Variants in FGFR1 observed in about 807,000 individuals in gnomAD.
The protein encoded by FGFR1 is fibroblast growth factor receptor 1.
In FGFR1, 18 loss-of-function variants were observed where a neutral mutation model predicts 93.7. The observed-to-expected ratio is 0.19, with a 90% CI of 0.13 to 0.28. FGFR1 has a LOEUF of 0.28. Among genes scored for constraint, FGFR1 ranks in the 10% least tolerant of loss-of-function variants. FGFR1 has a pLI of 1.00. For synonymous variants in FGFR1, 448 were observed against 429.3 expected (o/e 1.04, Z -0.54); for missense variants, 731 against 1,080.4 (o/e 0.68, Z 4.53).
At chr8:38,430,065 G>C (rs1822421866) in intron 2 of FGFR1, 117 bp from the exon 3 acceptor site, 6 of 1,054,570 alleles carry the variant, frequency 5.7e-6, no homozygotes, top group Non-Finnish European at 8.1e-6. Flanking sequence ...GCACCATCCT[G>C]GGCATCACTT....
At chr8:38,418,190 G>C (rs2150667456) in intron 10 of FGFR1, 38 bp downstream of exon 10, 20 of 1,614,088 alleles carry the variant, frequency 1.2e-5, no homozygotes, top group Non-Finnish European at 1.7e-5. Flanking sequence ...AGCAAGCAAG[G>C]AATGCCTTCA....
intron 2 of FGFR1, among the ~76,000 whole-genome samples, chr8:38,445,708 T>A (rs367914024): frequency 1.1e-4 from 17 of 151,858 alleles, no homozygotes; most frequent in African/African-American, 3.6e-4. Context: ...CCGGTTATTT[T>A]TTTTTTTTTT....
chr8:38,420,632 G>A (rs1818375101), intron 8 of FGFR1, among the ~76,000 whole-genome samples: 1 of 152,088 alleles, frequency 6.6e-6, no homozygotes, highest in Admixed American at 6.6e-5. Context: ...TTTCATCCCA[G>A]CACGCACAGC....
chr8:38,434,525 A>C (rs1394304691), intron 2 of FGFR1: 1 of 334,570 alleles, frequency 3.0e-6, no homozygotes, highest in Non-Finnish European at 5.8e-6. Flanking sequence ...ATGTCTCTGA[A>C]CCTTCACCAC....
intron 7 of FGFR1, 112 bp from the exon 8 acceptor site, chr8:38,422,053 C>A: frequency 8.0e-7 from 1 of 1,247,488 alleles, no homozygotes; most frequent in East Asian, 2.5e-5. Context: ...GAAATGCTCC[C>A]TGACATCTTC....
Position 38,426,511 on chromosome 8 carries a change from G to A in FGFR1, c.622-266C>T, listed in dbSNP as rs887511440. ...CGTGATCCGGACAGATGTGCCTTCT[G>A]CAAACACTCCCAAATACACCAAGAA... is the stretch of plus-strand genomic sequence containing the variant. On this transcript the variant is annotated intron_variant, in intron 5 of 17. Transcript: ENST00000447712. This position sits in a 1 kb window ranked among gnomAD's most constrained non-coding sequence, Gnocchi z 4.1. 1.3e-4 allele frequency among the ~76,000 whole-genome samples: 20 copies of A among 152,310 alleles called. No homozygotes were observed. Among genetic ancestry groups the A allele is most frequent in the African/African-American group, 4.1e-4 (17 of 41,574 alleles).
At position 38,417,878 on chromosome 8, in the gene FGFR1, A is replaced by G. The variant is rs746392282; in HGVS notation, c.1544T>C (p.Met515Thr). 1 of 1,614,164 alleles carries G rather than the reference A, an allele frequency of 6.2e-7. No homozygotes were observed. Among genetic ancestry groups the G allele is most frequent in the Non-Finnish European group, 8.5e-7 (1 of 1,180,018 alleles). Reference protein sequence around the residue: ...PNRVTKVAVKMLKSDATEKDL... With the variant: ...PNRVTKVAVKTLKSDATEKDL... Reference sequence around the variant, plus strand: ...ACAGAAGCATCACTTACACTTCAACATCTTCACAGCCACTTTGGTCACACG... The same window carrying G: ...ACAGAAGCATCACTTACACTTCAACGTCTTCACAGCCACTTTGGTCACACG... The change falls in exon 11 of 18, where the codon ATG becomes ACG. Residue 515 changes from methionine (M) to threonine (T), a missense_variant. By Grantham distance (81) the Met-to-Thr change is moderately conservative (BLOSUM62 -1). This residue lies in a region of FGFR1 where 62 missense variants were observed against 99.5 expected (regional missense o/e 0.62). Coordinates refer to ENST00000447712, the MANE Select transcript of FGFR1 (RefSeq NM_023110.3).
chr8:38,436,331 T>C (rs1586490923), intron 2 of FGFR1, among the ~76,000 whole-genome samples: 2 of 152,012 alleles, frequency 1.3e-5, no homozygotes, highest in African/African-American at 4.8e-5. Flanking sequence ...GCTATAATCT[T>C]GCCACTGCAC....
intron 12 of FGFR1, among the ~76,000 whole-genome samples, chr8:38,416,338 G>T (rs959490298): frequency 9.2e-5 from 14 of 152,104 alleles, no homozygotes; most frequent in Admixed American, 9.2e-4. Flanking sequence ...AGGCTGGAGT[G>T]CAGTGGCGCA....
Position 38,428,428 on chromosome 8 carries a change from G to A in FGFR1, c.366C>T (p.Leu122=), listed in dbSNP as rs2150933044. 5.0e-6 allele frequency: 8 copies of A among 1,612,436 alleles called. No homozygotes were observed. The highest frequency in any genetic ancestry group is 1.3e-5 in the African/African-American group (1 of 75,024). ...TYFSVNVSDA[L]PSSEDDDDDD... ...CATCATCATCATCCTCCGAGGAGGG[G>A]AGAGCATCTATGGGAAGAAGAAGGG... The change falls in exon 4 of 18, where the codon CTC becomes CTT. Residue 122 remains leucine (L), a synonymous_variant. Coordinates refer to ENST00000447712, the MANE Select transcript of FGFR1 (RefSeq NM_023110.3).
intron 2 of FGFR1, among the ~76,000 whole-genome samples, chr8:38,436,251 TG>T (rs892042334): frequency 1.3e-5 from 2 of 152,066 alleles, no homozygotes; most frequent in African/African-American, 4.8e-5. Flanking sequence ...GGTGCATGCC[TG>T]TAGTCCCCAG....
intron 8 of FGFR1, 49 bp downstream of exon 8, chr8:38,421,747 CG>C (rs1818884603): frequency 6.2e-7 from 1 of 1,602,450 alleles, no homozygotes; most frequent in African/African-American, 1.3e-5. Flanking sequence ...ATGCTCCCCC[CG>C]TGCCCGTGGC....
Position 38,411,307 on chromosome 8 carries a change from C to T in FGFR1, c.*2321G>A. 4.7e-6 allele frequency: 1 copy of T among 212,632 alleles called. No individual in the cohort carries two copies. Among genetic ancestry groups the T allele is most frequent in the Non-Finnish European group, 9.5e-6 (1 of 105,026 alleles). The allele number at this position is 212,632 out of a possible 1,614,324, so 13.2% of individuals were successfully genotyped here. ...AAGACTTTTAGATTCTTCATCCCTT[C>T]ACACAACATTGCTTCAAGGTAGGGC... On this transcript the variant is annotated 3_prime_UTR_variant, in exon 18 of 18. Transcript: ENST00000447712.
chr8:38,446,911 C>T (rs539885693), intron 2 of FGFR1, among the ~76,000 whole-genome samples: 3 of 152,228 alleles, frequency 2.0e-5, no homozygotes, highest in East Asian at 1.9e-4. Context: ...ACTCAGGTGT[C>T]GGATCTGACA....
chr8:38,448,088 G>A (rs927382454), intron 2 of FGFR1, among the ~76,000 whole-genome samples: 4 of 152,042 alleles, frequency 2.6e-5, no homozygotes, highest in East Asian at 3.8e-4. Flanking sequence ...ACAAAACATC[G>A]TATACAGTAT....
In FGFR1 at chr8:38,461,031, C is replaced by T. The variant is rs924644347; in HGVS notation, c.-88-3497G>A. 41 of 1,529,796 alleles carry T rather than the reference C, an allele frequency of 2.7e-5. No individual in the cohort carries two copies. In the East Asian group the frequency reaches 4.2e-4, roughly 16 times the overall value. The allele number at this position is 1,529,796 out of a possible 1,614,324, so 94.8% of individuals were successfully genotyped here. On this transcript the variant is annotated intron_variant, in intron 1 of 17. Coordinates refer to ENST00000447712, the MANE Select transcript of FGFR1 (RefSeq NM_023110.3). ...ATTCATGCCTGCATGCAGAGGTCCTCGGTGGGGAGCAGAGAGGGGGCACAT... is the reference window on the plus strand; with the variant it reads ...ATTCATGCCTGCATGCAGAGGTCCTTGGTGGGGAGCAGAGAGGGGGCACAT...
chr8:38,440,804 G>A (rs912443739), intron 2 of FGFR1, among the ~76,000 whole-genome samples: 5 of 152,064 alleles, frequency 3.3e-5, no homozygotes, highest in Non-Finnish European at 7.4e-5. Flanking sequence ...CCCCCCGTGC[G>A]TTGCCATGGG....
chr8:38,417,931 A>C lies in FGFR1; in HGVS notation c.1491T>G (p.Ala497=). 6.2e-7 allele frequency: 1 copy of C among 1,614,218 alleles called. No individual in the cohort carries two copies. Among genetic ancestry groups the C allele is most frequent in the South Asian group, 1.1e-5 (1 of 91,082 alleles). The change falls in exon 11 of 18, where the codon GCT becomes GCG. Residue 497 remains alanine (A), a synonymous_variant. Transcript: ENST00000447712. ...TGGGTTTGTCCTTGTCCAGCCCGAT[A>C]GCCTCTGCCAACACCACCTGCCCAA... ...GCFGQVVLAE[A]IGLDKDKPNR...
In FGFR1 at chr8:38,459,146, T is replaced by C. The variant is rs115879550; in HGVS notation, c.-88-1612A>G. ...GTTAACATTTACCAAGTGACAAGAC[T>C]TTCTGGGCACTGTCAAGGCTACGTG... On this transcript the variant is annotated intron_variant, in intron 1 of 17. Coordinates refer to ENST00000447712, the MANE Select transcript of FGFR1 (RefSeq NM_023110.3). 3.9e-3 allele frequency among the ~76,000 whole-genome samples: 592 copies of C among 152,306 alleles called. 2 individuals are homozygous for C. Among genetic ancestry groups the C allele is most frequent in the African/African-American group, 0.013 (536 of 41,574 alleles).
Sources: allele counts gnomAD v4.1 joint callset (sites outside exome capture counted in the v4.1 genomes callset), GRCh38; gene constraint gnomAD v4.1.1; regional missense constraint gnomAD v4.1.1; non-coding constraint Gnocchi (gnomAD v3.1); transcripts MANE v1.5; gene names NCBI Gene and HGNC (gene_info 2026-07-23, HGNC 2026-07-21).